Variants in KIF23 observed in about 807,000 individuals in gnomAD.
The protein encoded by KIF23 is kinesin family member 23.
Under a neutral mutation model 137.5 loss-of-function variants are expected in KIF23, and 30 were observed. That is an observed-to-expected ratio of 0.22 (90% CI 0.16 to 0.30). The LOEUF is 0.30. KIF23 is among the 10% of genes least tolerant of loss of function. The pLI is 1.00. For missense variants in KIF23, 920 were observed against 1,194.3 expected (o/e 0.77, Z 3.38); for synonymous variants, 367 against 391.1 (o/e 0.94, Z 0.73).
intron 11 of KIF23, among the ~76,000 whole-genome samples, chr15:69,430,025 A>AACG (rs2057315535): frequency 1.3e-5 from 2 of 151,610 alleles, no homozygotes; most frequent in Admixed American, 1.3e-4. Flanking sequence ...AAACAACAAC[A>AACG]ACAACAAAAA....
intron 16 of KIF23, 75 bp from the exon 17 acceptor site, chr15:69,439,829 A>G (rs987698148): frequency 8.5e-7 from 1 of 1,173,042 alleles, no homozygotes; most frequent in Non-Finnish European, 1.2e-6. Context: ...GCATAAGCAA[A>G]TTAAGGAAGA....
chr15:69,424,760 G>T (rs1455401371), intron 7 of KIF23, among the ~76,000 whole-genome samples: 1 of 152,050 alleles, frequency 6.6e-6, no homozygotes, highest in Non-Finnish European at 1.5e-5. Flanking sequence ...CTCCCACCTT[G>T]GTCTCCCAAA....
rs1433287776 is a variant in KIF23 at position 69,440,979 on chromosome 15, T to C, written c.2321T>C (p.Ile774Thr). ...QQEPGQSKTC[I>T]VSDRRRGMYW... ...GAGCCAGGACAAAGCAAAACTTGTATCGTGTCAGACAGAAGGCGAGGGATG... is the reference window on the plus strand; with the variant it reads ...GAGCCAGGACAAAGCAAAACTTGTACCGTGTCAGACAGAAGGCGAGGGATG... Residue 774 changes from isoleucine (I) to threonine (T), a missense_variant, in exon 19 of 24, where the codon ATC becomes ACC. Around this residue, in one of 4 missense-constraint regions of KIF23, gnomAD observed 714 missense variants for 866.2 expected, o/e 0.82. Coordinates refer to ENST00000679126, the MANE Select transcript of KIF23 (RefSeq NM_001367805.3). 1 of 1,614,170 alleles carries C rather than the reference T, an allele frequency of 6.2e-7. No homozygotes were observed. The highest frequency in any genetic ancestry group is 1.1e-5 in the South Asian group (1 of 91,080).
Position 69,435,547 on chromosome 15 carries a change from G to A in KIF23, c.1179G>A (p.Met393Ile). The A allele has an allele frequency of 6.2e-7, 1 of 1,614,068 alleles. No homozygotes were observed. Among genetic ancestry groups the A allele is most frequent in the Non-Finnish European group, 8.5e-7 (1 of 1,179,970 alleles). ...TGGATGTCCTAAGAGAGAACCAAAT[G>A]TATGGAACTAACAAGGTAAGCAGCA... ...TCMDVLRENQ[M>I]YGTNKMVPYR... is the part of the protein sequence containing the mutation. Residue 393 changes from methionine to isoleucine, a missense_variant, in exon 12 of 24, where the codon ATG (methionine) becomes ATA (isoleucine). Met to Ile is a conservative substitution (Grantham distance 10). Around this residue, in one of 4 missense-constraint regions of KIF23, gnomAD observed 714 missense variants for 866.2 expected, o/e 0.82. Transcript: ENST00000679126.
At chr15:69,434,374 A>C in intron 11 of KIF23, 1 of 251,218 alleles carries the variant, frequency 4.0e-6, no homozygotes. Context: ...TTTTTAAATA[A>C]TTGGTTTCTT....
chr15:69,443,855 C>A (rs2057685529), intron 19 of KIF23: 1 of 152,190 alleles, frequency 6.6e-6, no homozygotes, highest in Non-Finnish European at 1.5e-5. Flanking sequence ...TCTTGGCTCA[C>A]TGCAATTTCC....
At chr15:69,436,286 G>T (rs2057477583) in intron 14 of KIF23, 25 bp downstream of exon 14, 1 of 1,604,678 alleles carries the variant, frequency 6.2e-7, no homozygotes, top group East Asian at 2.2e-5. Context: ...TGTATCATTT[G>T]TCCACTCATT....
At chr15:69,416,489 G>T (rs1357697033) in intron 2 of KIF23, among the ~76,000 whole-genome samples, 1 of 152,112 alleles carries the variant, frequency 6.6e-6, no homozygotes, top group African/African-American at 2.4e-5. Context: ...AAAAGAATAA[G>T]AATTTTAAAA....
At chr15:69,440,226 A>C in intron 17 of KIF23, 82 bp from the exon 18 acceptor site, 1 of 1,517,096 alleles carries the variant, frequency 6.6e-7, no homozygotes, top group East Asian at 2.3e-5. Context: ...TGTCATTTTT[A>C]GGAAATAAAG....
chr15:69,431,989 T>C (rs1278594333), intron 11 of KIF23, among the ~76,000 whole-genome samples: 5 of 152,190 alleles, frequency 3.3e-5, no homozygotes, highest in Non-Finnish European at 7.3e-5. Context: ...GTGCTGTCTG[T>C]CAATGTCTAC....
At chr15:69,418,229 T>C (rs1243459776) in intron 3 of KIF23, among the ~76,000 whole-genome samples, 1 of 152,214 alleles carries the variant, frequency 6.6e-6, no homozygotes, top group African/African-American at 2.4e-5. Flanking sequence ...CTGCTAAATT[T>C]GATGTATACC....
chr15:69,442,974 C>T (rs1258502698), intron 19 of KIF23, among the ~76,000 whole-genome samples: 1 of 152,170 alleles, frequency 6.6e-6, no homozygotes, highest in Non-Finnish European at 1.5e-5. Flanking sequence ...TATCATCTTT[C>T]TGAAGTGTGT....
At chr15:69,439,792 A>G (rs921497202) in intron 16 of KIF23, 112 bp from the exon 17 acceptor site, 6 of 729,328 alleles carry the variant, frequency 8.2e-6, no homozygotes, top group Non-Finnish European at 1.2e-5. Context: ...TGCTTTCTCC[A>G]TGATGTTTCT....
In KIF23 at chr15:69,443,326, GTTTTTTTTTTTTTTT is replaced by G. The variant is rs10538305; in HGVS notation, c.2422-1448_2422-1434del. Among the ~76,000 whole-genome samples the G allele has an allele frequency of 1.7e-4, 10 of 58,598 alleles. No homozygotes were observed. The East Asian group carries it at 2.6e-3, about 15-fold the overall frequency. The allele number at this position is 58,598 out of a possible 152,430, so 38.4% of individuals were successfully genotyped here. ...ATTTGCTTTCAGTTTTGTTTTTTGG[GTTTTTTTTTTTTTTT>G]TTTTTTTTTTTTTTTGAGATGAGGT... On this transcript the variant is annotated intron_variant, in intron 19 of 23. Transcript: ENST00000679126.
chr15:69,414,572 C>G (rs1221288937), intron 1 of KIF23, 96 bp downstream of exon 1: 2 of 1,305,132 alleles, frequency 1.5e-6, no homozygotes, highest in Non-Finnish European at 2.0e-6. Context: ...CGGCCGTACG[C>G]GGGCAGCGCG....
At chr15:69,425,239 G>A in intron 7 of KIF23, 43 bp from the exon 8 acceptor site, 1 of 1,492,362 alleles carries the variant, frequency 6.7e-7, no homozygotes, top group Non-Finnish European at 9.0e-7. Context: ...GGTGTGAGAT[G>A]GCTGCTGTAG....
chr15:69,434,016 G>C (rs2057414695), intron 11 of KIF23, among the ~76,000 whole-genome samples: 1 of 152,168 alleles, frequency 6.6e-6, no homozygotes, highest in South Asian at 2.1e-4. Flanking sequence ...TGATTTAGTG[G>C]CTCTGGGATG....
At chr15:69,415,934 GC>G in intron 1 of KIF23, 59 bp from the exon 2 acceptor site, 1 of 1,222,574 alleles carries the variant, frequency 8.2e-7, no homozygotes, top group Non-Finnish European at 1.1e-6. Context: ...TTTAGGTGAG[GC>G]TTTTGTATTC....
chr15:69,429,481 AT>A (rs2057296575), intron 11 of KIF23, among the ~76,000 whole-genome samples: 1 of 151,944 alleles, frequency 6.6e-6, no homozygotes, highest in South Asian at 2.1e-4. Flanking sequence ...ATTTTTAAAA[AT>A]TTTTTGTAGA....
Sources: allele counts gnomAD v4.1 joint callset (sites outside exome capture counted in the v4.1 genomes callset), GRCh38; gene constraint gnomAD v4.1.1; regional missense constraint gnomAD v4.1.1; transcripts MANE v1.5; gene names NCBI Gene and HGNC (gene_info 2026-07-23, HGNC 2026-07-21).